Variants in MSH4 observed in about 807,000 individuals in gnomAD.
MSH4 encodes the protein mutS protein homolog 4.
A neutral mutation model predicts 113.7 loss-of-function variants in MSH4; 106 were observed. The ratio of observed to expected loss-of-function variants is 0.93; its 90% CI spans 0.80 to 1.10. The LOEUF (loss-of-function observed/expected upper bound fraction) is 1.10, where lower values mean the gene tolerates loss of function less well. MSH4 is among the 50% of genes least tolerant of loss of function. MSH4 has a pLI of 0.00. For missense variants in MSH4, 1,061 were observed against 1,093.7 expected, an observed-to-expected ratio of 0.97 and a Z score of 0.42; for synonymous variants, 368 against 380.2, an observed-to-expected ratio of 0.97 and a Z score of 0.37.
chr1:75,837,318 T>G (rs1650852107), intron 7 of MSH4, among the ~76,000 whole-genome samples: 1 of 151,978 alleles, frequency 6.6e-6, no homozygotes, highest in Non-Finnish European at 1.5e-5. Context: ...TATAGCAGCT[T>G]GAATGGAATA....
chr1:75,896,535 C>T (rs1652389000), intron 17 of MSH4, among the ~76,000 whole-genome samples: 1 of 151,758 alleles, frequency 6.6e-6, no homozygotes, highest in East Asian at 1.9e-4. Context: ...GCAACTTCCA[C>T]CTCACAGGTT....
At position 75,884,628 on chromosome 1, in the gene MSH4, C is replaced by T. The variant is rs148672660; in HGVS notation, c.2107+807C>T. 2.9e-3 allele frequency among the ~76,000 whole-genome samples: 436 copies of T among 152,074 alleles called. 5 individuals are homozygous for T. Among genetic ancestry groups the T allele is most frequent in the African/African-American group, 0.01 (421 of 41,514 alleles). On this transcript the variant is annotated intron_variant, in intron 15 of 19. Transcript: ENST00000263187. Reference sequence around the variant, plus strand: ...CTTCCTCTCCACGCTCCCCTGCTTTCCTCACCCCACCATACACACACACAT... The same window carrying T: ...CTTCCTCTCCACGCTCCCCTGCTTTTCTCACCCCACCATACACACACACAT...
At chr1:75,873,574 T>A (rs2100566292) in intron 9 of MSH4, among the ~76,000 whole-genome samples, 1 of 152,076 alleles carries the variant, frequency 6.6e-6, no homozygotes, top group South Asian at 2.1e-4. Context: ...ACCTCCACCC[T>A]CAAGCAAACG....
At chr1:75,822,289 A>C (rs1223244967) in intron 6 of MSH4, 120 bp from the exon 7 acceptor site, 2 of 82,034 alleles carry the variant, frequency 2.4e-5, no homozygotes, top group Non-Finnish European at 1.9e-5. Flanking sequence ...ACTCTGTTTC[A>C]AAAAAAAAAA....
chr1:75,809,335 A>G (rs1294094460), intron 3 of MSH4, among the ~76,000 whole-genome samples: 1 of 151,958 alleles, frequency 6.6e-6, no homozygotes, highest in Non-Finnish European at 1.5e-5. Context: ...TCCCTTTCCT[A>G]ATAATTAATT....
chr1:75,868,642 C>T (rs909616480), intron 9 of MSH4, among the ~76,000 whole-genome samples: 36 of 152,232 alleles, frequency 2.4e-4, no homozygotes, highest in Middle Eastern at 3.4e-3. Context: ...ATTTCAAGGG[C>T]GGGGACTGGT....
In MSH4 at chr1:75,878,266, A is replaced by C; in HGVS notation, c.1488A>C (p.Glu496Asp). 6.2e-7 allele frequency: 1 copy of C among 1,605,498 alleles called. No homozygotes were observed. ...KCYAVRSNIN[E>D]FLDIARRTYT... is the part of the protein sequence containing the mutation. ...ATGCAGTGAGGTCTAACATAAATGAATTTCTTGACATAGCAAGAAGAACAT... is the reference window on the plus strand; with the variant it reads ...ATGCAGTGAGGTCTAACATAAATGACTTTCTTGACATAGCAAGAAGAACAT... Residue 496 changes from glutamate (E) to aspartate (D), a missense_variant, in exon 11 of 20, where the codon GAA (glutamate) becomes GAC (aspartate). Transcript: ENST00000263187.
At chr1:75,815,163 T>C (rs1400048426) in intron 5 of MSH4, 27 bp downstream of exon 5, 1 of 1,244,026 alleles carries the variant, frequency 8.0e-7, no homozygotes, top group Non-Finnish European at 1.1e-6. Context: ...TTTATTTTTT[T>C]ACTAGCCCAC....
At chr1:75,822,205 C>G (rs1014316906) in intron 6 of MSH4, among the ~76,000 whole-genome samples, 30 of 147,994 alleles carry the variant, frequency 2.0e-4, no homozygotes, top group Non-Finnish European at 1.0e-4. Context: ...AGGAGAATGG[C>G]GTGAACCTTG....
At chr1:75,838,919 C>G (rs1650890949) in intron 7 of MSH4, among the ~76,000 whole-genome samples, 1 of 152,094 alleles carries the variant, frequency 6.6e-6, no homozygotes, top group Admixed American at 6.5e-5. Context: ...CCTGTAGTAT[C>G]TTGTTATGAT....
intron 15 of MSH4, among the ~76,000 whole-genome samples, chr1:75,885,317 G>GT (rs370170925): frequency 0.47 from 37,055 of 78,832 alleles, 5,652 homozygotes; most frequent in East Asian, 0.53. Context: ...CTCACACTGG[G>GT]GGTGTGTGTG....
intron 1 of MSH4, among the ~76,000 whole-genome samples, chr1:75,797,658 G>T (rs1649847088): frequency 6.6e-6 from 1 of 152,208 alleles, no homozygotes; most frequent in Admixed American, 6.5e-5. Flanking sequence ...AGTGGGCTGG[G>T]CGGTGGCTGA....
At position 75,817,925 on chromosome 1, in the gene MSH4, G is replaced by A. The variant is rs566500982; in HGVS notation, c.989+1379G>A. Among the ~76,000 whole-genome samples the A allele has an allele frequency of 1.4e-3, 219 of 151,772 alleles. 1 individual carries two copies. Among genetic ancestry groups the A allele is most frequent in the African/African-American group, 5.1e-3 (211 of 41,388 alleles). ...GTAGAATGATGACTAAATCTTAAAA[G>A]TCATTCTTGTTTCCTCTCCTTTCAC... On this transcript the variant is annotated intron_variant, in intron 6 of 19. Transcript: ENST00000263187.
intron 9 of MSH4, among the ~76,000 whole-genome samples, chr1:75,872,814 A>C (rs11161795): frequency 0.54 from 81,972 of 152,088 alleles, 22,873 homozygotes; most frequent in South Asian, 0.71. Context: ...GCATCTGCTG[A>C]TCATGAAGCA....
chr1:75,813,547 T>C lies in MSH4; in HGVS notation c.700-1474T>C, dbSNP rs76549215. Among the ~76,000 whole-genome samples the C allele has an allele frequency of 7.6e-3, 1,154 of 152,278 alleles. 11 individuals are homozygous for C. The highest frequency in any genetic ancestry group is 0.011 in the Non-Finnish European group (777 of 68,022). On this transcript the variant is annotated intron_variant, in intron 4 of 19. Transcript: ENST00000263187. ...CCAACCTCCTAGAAAATTGATATTT[T>C]ATATAGGGTAATCAGAGATGGCCTC...
chr1:75,912,563 T>C, intron 19 of MSH4, 133 bp from the exon 20 acceptor site: 1 of 436,308 alleles, frequency 2.3e-6, no homozygotes, highest in Non-Finnish European at 3.9e-6. Flanking sequence ...GAAACTGATT[T>C]GTTCAAAGGA....
At chr1:75,904,318 GT>G (rs1250805697) in intron 19 of MSH4, among the ~76,000 whole-genome samples, 1 of 152,006 alleles carries the variant, frequency 6.6e-6, no homozygotes, top group Non-Finnish European at 1.5e-5. Flanking sequence ...TTGGCCTGTA[GT>G]TTTCTTTATT....
chr1:75,874,839 G>T (rs1229042633), intron 9 of MSH4, among the ~76,000 whole-genome samples: 1 of 152,140 alleles, frequency 6.6e-6, no homozygotes, highest in Non-Finnish European at 1.5e-5. Context: ...TATGCAAAAT[G>T]CATACTTTCA....
intron 15 of MSH4, among the ~76,000 whole-genome samples, chr1:75,888,893 C>CT (rs74683108): frequency 0.13 from 17,829 of 132,914 alleles, 1,457 homozygotes; most frequent in East Asian, 0.21. Flanking sequence ...GGTAGGGCAA[C>CT]TTTTTTTTTT....
Sources: allele counts gnomAD v4.1 joint callset (sites outside exome capture counted in the v4.1 genomes callset), GRCh38; gene constraint gnomAD v4.1.1; transcripts MANE v1.5; gene names NCBI Gene and HGNC (gene_info 2026-07-23, HGNC 2026-07-21).